Variants in CLVS1 observed in about 807,000 individuals in gnomAD.
The protein encoded by CLVS1 is clavesin-1.
CLVS1 carries 10 observed loss-of-function variants against 33.1 expected under a neutral mutation model. That is an observed-to-expected ratio of 0.30 (90% CI 0.19 to 0.51). The LOEUF is 0.51. CLVS1 is among the 20% of genes least tolerant of loss of function. The pLI is 0.97. For missense variants in CLVS1, 343 were observed against 433.4 expected (o/e 0.79, Z 1.85); for synonymous variants, 163 against 166.1 (o/e 0.98, Z 0.14).
chr8:60,988,201 G>C, the CLVS1 span, among the ~76,000 whole-genome samples: 2 of 152,122 alleles, frequency 1.3e-5, no homozygotes, highest in Admixed American at 6.5e-5. Flanking sequence ...TTGAACTGGA[G>C]AGCTTTTCAA....
chr8:61,424,887 T>A (rs1815821498), intron 3 of CLVS1, among the ~76,000 whole-genome samples: 1 of 152,212 alleles, frequency 6.6e-6, no homozygotes, highest in African/African-American at 2.4e-5. Flanking sequence ...CAAATAAAAT[T>A]ATCTCTTTCT....
intron 3 of CLVS1, among the ~76,000 whole-genome samples, chr8:61,414,038 GAT>G (rs1182981281): frequency 1.3e-5 from 2 of 152,208 alleles, no homozygotes; most frequent in Non-Finnish European, 2.9e-5. Flanking sequence ...ACAATCAACA[GAT>G]ATTGGGATGT....
At chr8:61,314,615 C>T (rs924432297) in intron 2 of CLVS1, among the ~76,000 whole-genome samples, 13 of 152,260 alleles carry the variant, frequency 8.5e-5, no homozygotes, top group African/African-American at 2.6e-4. Context: ...TTCTTCATGA[C>T]GCATGGTGAC....
intron 2 of CLVS1, among the ~76,000 whole-genome samples, chr8:61,229,003 C>T (rs564491284): frequency 3.9e-5 from 6 of 152,312 alleles, no homozygotes; most frequent in Admixed American, 3.3e-4. Context: ...TTTACATTTC[C>T]ACCAACAGTG....
chr8:61,328,765 T>A (rs942060790), intron 2 of CLVS1, among the ~76,000 whole-genome samples: 1 of 152,046 alleles, frequency 6.6e-6, no homozygotes, highest in Non-Finnish European at 1.5e-5. Context: ...AGGAGGGAAG[T>A]CCCCTGGAAG....
intron 2 of CLVS1, among the ~76,000 whole-genome samples, chr8:61,201,405 A>C (rs1807729321): frequency 6.6e-6 from 1 of 152,204 alleles, no homozygotes; most frequent in Non-Finnish European, 1.5e-5. Flanking sequence ...ATCAGGACTC[A>C]AACTCAGATC....
At position 61,414,406 on chromosome 8, in the gene CLVS1, GT is replaced by G. The variant is rs5891802; in HGVS notation, c.630+37639del. On this transcript the variant is annotated intron_variant, in intron 3 of 5. Coordinates refer to ENST00000325897, the MANE Select transcript of CLVS1 (RefSeq NM_173519.3). ...GCTTCACTTGGAATTTACCGAAATTGTTTTTTTTTTTTCATATTTTTCCATT... is the reference window on the plus strand; with the variant it reads ...GCTTCACTTGGAATTTACCGAAATTGTTTTTTTTTTTCATATTTTTCCATT... Among the ~76,000 whole-genome samples the G allele has an allele frequency of 7.7e-4, 112 of 145,570 alleles. No homozygotes were observed. The Middle Eastern group carries it at 0.011, about 14-fold the overall frequency.
At chr8:60,974,286 G>A in the CLVS1 span, among the ~76,000 whole-genome samples, 4 of 152,160 alleles carry the variant, frequency 2.6e-5, no homozygotes, top group Non-Finnish European at 5.9e-5. Context: ...AGCTCTGTTT[G>A]TGAAGCCCTG....
intron 2 of CLVS1, among the ~76,000 whole-genome samples, chr8:61,232,024 T>TTTGTTTGTTTG (rs1808448261): frequency 3.2e-5 from 3 of 93,566 alleles, no homozygotes; most frequent in African/African-American, 1.3e-4. Flanking sequence ...AAAGTTGTGG[T>TTTGTTTGTTTG]TTTTTTTTTT....
intron 3 of CLVS1, among the ~76,000 whole-genome samples, chr8:61,398,257 C>A (rs776133769): frequency 2.7e-5 from 4 of 149,150 alleles, no homozygotes; most frequent in Middle Eastern, 3.2e-3. Flanking sequence ...TCATGGCTCA[C>A]TGCAGCCTTG....
At chr8:61,358,309 T>C (rs1355834309) in intron 2 of CLVS1, among the ~76,000 whole-genome samples, 1 of 152,234 alleles carries the variant, frequency 6.6e-6, no homozygotes, top group African/African-American at 2.4e-5. Flanking sequence ...AAAATCAACA[T>C]ATAATTATAT....
At chr8:61,309,046 A>G (rs1810739046) in intron 2 of CLVS1, among the ~76,000 whole-genome samples, 1 of 152,238 alleles carries the variant, frequency 6.6e-6, no homozygotes, top group Admixed American at 6.5e-5. Context: ...CAAGAGGTAG[A>G]GGGTGGCTCA....
chr8:61,434,377 G>A (rs866309324), intron 3 of CLVS1, among the ~76,000 whole-genome samples: 1 of 152,264 alleles, frequency 6.6e-6, no homozygotes, highest in Non-Finnish European at 1.5e-5. Flanking sequence ...AACTGTCAAC[G>A]AAAAGAGTCA....
At chr8:61,308,836 T>C (rs539866938) in intron 2 of CLVS1, among the ~76,000 whole-genome samples, 14 of 152,334 alleles carry the variant, frequency 9.2e-5, no homozygotes, top group African/African-American at 3.4e-4. Context: ...GTGATGGAAT[T>C]ATTCCCTAGT....
intron 2 of CLVS1, among the ~76,000 whole-genome samples, chr8:61,334,617 G>A (rs980229406): frequency 1.3e-5 from 2 of 152,206 alleles, no homozygotes; most frequent in African/African-American, 4.8e-5. Flanking sequence ...GAGAAAACTA[G>A]TGAAGTATTT....
At chr8:61,421,253 C>T (rs1815652152) in intron 3 of CLVS1, among the ~76,000 whole-genome samples, 1 of 152,146 alleles carries the variant, frequency 6.6e-6, no homozygotes, top group African/African-American at 2.4e-5. Context: ...AAATGCACAG[C>T]TGTACCACCA....
chr8:61,276,673 A>C (rs1414059533), intron 2 of CLVS1, among the ~76,000 whole-genome samples: 2 of 152,252 alleles, frequency 1.3e-5, no homozygotes, highest in East Asian at 1.9e-4. Flanking sequence ...CATTCCTAGC[A>C]CTTAACACAG....
At chr8:61,248,009 C>A (rs1489813502) in intron 2 of CLVS1, among the ~76,000 whole-genome samples, 1 of 152,158 alleles carries the variant, frequency 6.6e-6, no homozygotes, top group Non-Finnish European at 1.5e-5. Context: ...ATAAGGCTAG[C>A]CAGTTATCCC....
At chr8:61,309,378 C>G (rs566753231) in intron 2 of CLVS1, among the ~76,000 whole-genome samples, 1 of 152,252 alleles carries the variant, frequency 6.6e-6, no homozygotes, top group East Asian at 1.9e-4. Flanking sequence ...CCTGAAGGTT[C>G]CAAGGTTGCA....
Sources: gnomAD v4.1 joint callset for allele counts (sites outside exome capture counted in the v4.1 genomes callset) on GRCh38, gnomAD v4.1.1 for gene constraint, MANE v1.5 for transcripts, NCBI Gene and HGNC (gene_info 2026-07-23, HGNC 2026-07-21) for gene names.